The following SPAG16 variants were observed in gnomAD, a reference collection of about 807,000 sequenced individuals.
The protein encoded by SPAG16 is sperm associated antigen 16.
In SPAG16, 86 loss-of-function variants were observed where a neutral mutation model predicts 80.4. The ratio of observed to expected loss-of-function variants is 1.07; its 90% CI spans 0.90 to 1.28. The LOEUF (loss-of-function observed/expected upper bound fraction) is 1.28. Among genes scored for constraint, SPAG16 ranks in the 50% most tolerant of loss-of-function variants. The pLI, the probability that SPAG16 is intolerant of heterozygous loss-of-function variation, is 0.00. For missense variants in SPAG16, 870 were observed against 765.3 expected (o/e 1.14, Z -1.61); for synonymous variants, 294 against 265.9 (o/e 1.11, Z -1.03).
chr2:213,550,590 T>C (rs960470395), intron 10 of SPAG16, among the ~76,000 whole-genome samples: 4 of 152,106 alleles, frequency 2.6e-5, no homozygotes, highest in Non-Finnish European at 5.9e-5. Flanking sequence ...AAGTATACTT[T>C]TTTATCTCTC....
At chr2:213,673,429 G>A (rs1269192575) in intron 10 of SPAG16, among the ~76,000 whole-genome samples, 1 of 152,102 alleles carries the variant, frequency 6.6e-6, no homozygotes, top group Non-Finnish European at 1.5e-5. Context: ...ATTGGGTCCA[G>A]ATATTATAAT....
intron 9 of SPAG16, among the ~76,000 whole-genome samples, chr2:213,425,575 C>T (rs2069863220): frequency 6.8e-6 from 1 of 147,690 alleles, no homozygotes; most frequent in South Asian, 2.1e-4. Context: ...TTGCTTGAAC[C>T]AGGAAGGTAG....
intron 15 of SPAG16, among the ~76,000 whole-genome samples, chr2:214,189,535 C>T (rs527406713): frequency 1.5e-4 from 23 of 152,178 alleles, no homozygotes; most frequent in Non-Finnish European, 2.5e-4. Context: ...GTGCATTTTG[C>T]ATATTTTAAA....
At chr2:214,006,561 G>A (rs1259256024) in intron 12 of SPAG16, among the ~76,000 whole-genome samples, 3 of 152,208 alleles carry the variant, frequency 2.0e-5, no homozygotes, top group African/African-American at 4.8e-5. Context: ...GCTATTGCTT[G>A]TGAACTTCTT....
chr2:214,175,643 A>T (rs1452797102), intron 15 of SPAG16, among the ~76,000 whole-genome samples: 1 of 151,558 alleles, frequency 6.6e-6, no homozygotes, highest in Non-Finnish European at 1.5e-5. Flanking sequence ...AGAAGGGGTG[A>T]TAGAGGTTAG....
intron 10 of SPAG16, among the ~76,000 whole-genome samples, chr2:213,508,169 C>T (rs1034207645): frequency 2.0e-5 from 3 of 152,174 alleles, no homozygotes; most frequent in Non-Finnish European, 4.4e-5. Flanking sequence ...TTTATTGCAG[C>T]ACTATTCACA....
chr2:213,670,001 CTT>C (rs796432477), intron 10 of SPAG16, among the ~76,000 whole-genome samples: 8 of 143,516 alleles, frequency 5.6e-5, no homozygotes, highest in Non-Finnish European at 4.6e-5. Flanking sequence ...TGTTCTAATT[CTT>C]TTTTTTTTTT....
intron 13 of SPAG16, among the ~76,000 whole-genome samples, chr2:214,034,698 G>A (rs2048594318): frequency 6.6e-6 from 1 of 152,168 alleles, no homozygotes; most frequent in African/African-American, 2.4e-5. Flanking sequence ...TTCCACAGCT[G>A]GCACCAGGGA....
chr2:213,649,730 A>G (rs1234124233), intron 10 of SPAG16, among the ~76,000 whole-genome samples: 4 of 152,066 alleles, frequency 2.6e-5, no homozygotes, highest in Non-Finnish European at 5.9e-5. Context: ...ACACACCACC[A>G]TGGTGGGCTA....
At chr2:214,058,394 C>G (rs1333967501) in intron 13 of SPAG16, among the ~76,000 whole-genome samples, 2 of 152,040 alleles carry the variant, frequency 1.3e-5, no homozygotes, top group Non-Finnish European at 2.9e-5. Flanking sequence ...ATGGAGCAAG[C>G]AGAACACATA....
At chr2:214,127,702 T>A (rs1324038804) in intron 14 of SPAG16, among the ~76,000 whole-genome samples, 1 of 151,900 alleles carries the variant, frequency 6.6e-6, no homozygotes, top group Non-Finnish European at 1.5e-5. Flanking sequence ...GAATCATGTC[T>A]TACCCTTTTC....
At chr2:214,309,494 G>A (rs747165732) in intron 15 of SPAG16, among the ~76,000 whole-genome samples, 2 of 152,054 alleles carry the variant, frequency 1.3e-5, no homozygotes, top group African/African-American at 2.4e-5. Flanking sequence ...TAGTATTCTT[G>A]TGCTGATTCT....
At chr2:214,324,754 A>C in intron 15 of SPAG16, among the ~76,000 whole-genome samples, 1 of 151,326 alleles carries the variant, frequency 6.6e-6, no homozygotes, top group East Asian at 2.0e-4. Flanking sequence ...TACTAACTCC[A>C]TGTTTCTCTT....
intron 9 of SPAG16, among the ~76,000 whole-genome samples, chr2:213,454,334 T>A (rs2071874522): frequency 6.6e-6 from 1 of 152,222 alleles, no homozygotes; most frequent in Non-Finnish European, 1.5e-5. Flanking sequence ...TAAAATATTT[T>A]AAAATATTAT....
intron 10 of SPAG16, among the ~76,000 whole-genome samples, chr2:213,773,545 A>C (rs554956127): frequency 9.9e-5 from 15 of 151,982 alleles, no homozygotes; most frequent in African/African-American, 3.1e-4. Flanking sequence ...TTAATTTGGA[A>C]ATTTTTCTTT....
chr2:213,932,131 T>G, intron 12 of SPAG16, among the ~76,000 whole-genome samples: 1 of 142,412 alleles, frequency 7.0e-6, no homozygotes, highest in African/African-American at 2.7e-5. Flanking sequence ...TGTCATATAT[T>G]CTTGGCTTGA....
chr2:213,891,205 A>G (rs572346516), intron 11 of SPAG16, among the ~76,000 whole-genome samples: 1 of 152,204 alleles, frequency 6.6e-6, no homozygotes, highest in South Asian at 2.1e-4. Flanking sequence ...TGCTAATATA[A>G]TTACAATTCT....
intron 10 of SPAG16, among the ~76,000 whole-genome samples, chr2:213,719,824 A>T (rs959369851): frequency 1.3e-5 from 2 of 152,174 alleles, no homozygotes; most frequent in Non-Finnish European, 2.9e-5. Flanking sequence ...TGACCCAGCA[A>T]TCCCATTACT....
intron 14 of SPAG16, among the ~76,000 whole-genome samples, chr2:214,112,840 A>G (rs956277422): frequency 4.6e-5 from 7 of 151,954 alleles, no homozygotes; most frequent in South Asian, 2.1e-4. Flanking sequence ...TAATATTGCT[A>G]TGTGTGAATT....
Sources: gnomAD v4.1 joint callset for allele counts (sites outside exome capture counted in the v4.1 genomes callset) on GRCh38, gnomAD v4.1.1 for gene constraint, MANE v1.5 for transcripts, NCBI Gene and HGNC (gene_info 2026-07-23, HGNC 2026-07-21) for gene names.